Variants in LAMA2 observed in about 807,000 individuals in gnomAD.
The protein encoded by LAMA2 is laminin subunit alpha-2.
In LAMA2, 269 loss-of-function variants were observed where a neutral mutation model predicts 364.8. The ratio of observed to expected loss-of-function variants is 0.74; its 90% CI spans 0.67 to 0.82. The LOEUF is 0.82. Among genes scored for constraint, LAMA2 ranks in the 40% least tolerant of loss-of-function variants. The pLI is 0.00. For synonymous variants in LAMA2, 1,379 were observed against 1,370.6 expected (o/e 1.01, Z -0.14); for missense variants, 3,807 against 3,873.2 (o/e 0.98, Z 0.45).
At chr6:129,407,970 G>A (rs1226414639) in intron 40 of LAMA2, among the ~76,000 whole-genome samples, 1 of 152,168 alleles carries the variant, frequency 6.6e-6, no homozygotes, top group Non-Finnish European at 1.5e-5. Flanking sequence ...TGTTGACTTG[G>A]AGGTAGGAGG....
intron 1 of LAMA2, among the ~76,000 whole-genome samples, chr6:129,044,518 A>G (rs1194043811): frequency 6.6e-6 from 1 of 151,650 alleles, no homozygotes; most frequent in African/African-American, 2.4e-5. Flanking sequence ...AAATTTTCAC[A>G]TGATATACAC....
intron 2 of LAMA2, among the ~76,000 whole-genome samples, chr6:129,053,965 T>C (rs1165496421): frequency 6.6e-6 from 1 of 152,172 alleles, no homozygotes; most frequent in East Asian, 1.9e-4. Flanking sequence ...GTGGGCATGG[T>C]GTCTCTCTAG....
chr6:128,887,648 C>A (rs1001986379), intron 1 of LAMA2, among the ~76,000 whole-genome samples: 3 of 152,006 alleles, frequency 2.0e-5, no homozygotes, highest in Non-Finnish European at 4.4e-5. Context: ...GTGGGTGGAT[C>A]ACCTTAGGTC....
chr6:129,006,559 G>A (rs1382630687), intron 1 of LAMA2, among the ~76,000 whole-genome samples: 1 of 152,046 alleles, frequency 6.6e-6, no homozygotes, highest in Non-Finnish European at 1.5e-5. Flanking sequence ...ACCAACTCCT[G>A]CAGGTGCTGC....
At chr6:129,368,892 C>T (rs1218702522) in intron 33 of LAMA2, among the ~76,000 whole-genome samples, 1 of 152,176 alleles carries the variant, frequency 6.6e-6, no homozygotes, top group Non-Finnish European at 1.5e-5. Context: ...AAGCTTCAGC[C>T]AAAGACCATC....
chr6:129,119,092 TA>T (rs1267475652), intron 4 of LAMA2, among the ~76,000 whole-genome samples: 13 of 152,202 alleles, frequency 8.5e-5, no homozygotes, highest in Non-Finnish European at 1.9e-4. Context: ...TAGCAGCAAT[TA>T]ACATTTGGCA....
At chr6:129,076,617 T>C (rs991968722) in intron 3 of LAMA2, among the ~76,000 whole-genome samples, 2 of 150,616 alleles carry the variant, frequency 1.3e-5, no homozygotes, top group Non-Finnish European at 3.0e-5. Flanking sequence ...GTTCATTTTA[T>C]TTATGTAAAC....
chr6:129,210,083 C>T (rs1362744488), intron 12 of LAMA2, among the ~76,000 whole-genome samples: 2 of 150,908 alleles, frequency 1.3e-5, no homozygotes, highest in South Asian at 2.1e-4. Context: ...GGGAAATCTA[C>T]GTTTTTAATC....
chr6:129,347,156 T>A (rs1179290915), intron 30 of LAMA2, among the ~76,000 whole-genome samples: 5 of 151,888 alleles, frequency 3.3e-5, no homozygotes, highest in Admixed American at 6.6e-5. Flanking sequence ...AATCCAGTGG[T>A]GTTATTGATG....
At position 128,934,550 on chromosome 6, in the gene LAMA2, G is replaced by A. The variant is rs186679697; in HGVS notation, c.112+51193G>A. Among the ~76,000 whole-genome samples the A allele has an allele frequency of 6.5e-4, 98 of 150,730 alleles. 2 individuals are homozygous for A. The highest frequency in any genetic ancestry group is 2.1e-3 in the Admixed American group (31 of 15,106). On this transcript the variant is annotated intron_variant, in intron 1 of 64. Transcript: ENST00000421865. ...GAATTTCCCTCTTTTCGCTCAAGGT[G>A]GAGTGCAATGGTGCAATCTCAGCTC...
chr6:128,956,435 A>C (rs1377066271), intron 1 of LAMA2, among the ~76,000 whole-genome samples: 1 of 151,964 alleles, frequency 6.6e-6, no homozygotes, highest in Non-Finnish European at 1.5e-5. Context: ...TTGGTAGTAA[A>C]TTTTTGATAC....
chr6:129,377,650 A>G (rs1171670778), intron 34 of LAMA2, among the ~76,000 whole-genome samples: 1 of 152,202 alleles, frequency 6.6e-6, no homozygotes, highest in Admixed American at 6.5e-5. Flanking sequence ...TTGATCTGAA[A>G]TCTAATTTTA....
chr6:128,960,304 T>C (rs1448606344), intron 1 of LAMA2, among the ~76,000 whole-genome samples: 2 of 151,972 alleles, frequency 1.3e-5, no homozygotes, highest in Non-Finnish European at 1.5e-5. Context: ...CCTAGCTTTT[T>C]GTCTTTGGTT....
intron 17 of LAMA2, among the ~76,000 whole-genome samples, chr6:129,275,882 T>C (rs1788288921): frequency 6.6e-6 from 1 of 152,074 alleles, no homozygotes; most frequent in Admixed American, 6.6e-5. Context: ...TAGAGAAATA[T>C]ATCGTTCAAA....
intron 4 of LAMA2, among the ~76,000 whole-genome samples, chr6:129,106,252 CTT>C (rs1437573531): frequency 6.6e-6 from 1 of 151,274 alleles, no homozygotes; most frequent in African/African-American, 2.4e-5. Context: ...TTTTCTTCCT[CTT>C]TTCATCATCT....
In LAMA2 at chr6:129,353,232, C is replaced by G. The variant is rs760292213; in HGVS notation, c.4592C>G (p.Pro1531Arg). ...GGSCQECECD[P>R]YGSLPVPCDP... ...TCCTGCCAAGAATGTGAGTGTGATC[C>G]CTATGGCTCACTGCCTGTGCCCTGT... The change falls in exon 32 of 65, where the codon CCC (proline) becomes CGC (arginine). Residue 1531 changes from proline to arginine, a missense_variant. By Grantham distance (103) the Pro-to-Arg change is moderately radical. This residue lies in a region of LAMA2 where 3,333 missense variants were observed against 3,345.7 expected (regional missense o/e 1.00). Coordinates refer to ENST00000421865, the MANE Select transcript of LAMA2 (RefSeq NM_000426.4). The G allele has an allele frequency of 1.1e-5, 17 of 1,613,928 alleles. No individual in the cohort carries two copies. The Admixed American group carries it at 2.5e-4, about 24-fold the overall frequency.
chr6:128,960,393 C>A (rs1404884104), intron 1 of LAMA2, among the ~76,000 whole-genome samples: 1 of 143,666 alleles, frequency 7.0e-6, no homozygotes, highest in Non-Finnish European at 1.5e-5. Flanking sequence ...GGCTGGAGTG[C>A]AATGGCATGA....
chr6:129,454,387 C>T lies in LAMA2; in HGVS notation c.6707+99C>T, dbSNP rs1033075873. ...TCCTATTTCCATTTCAATAAGGTAACTGTGTATGCATGTAAACACATGTGT... is the reference window on the plus strand; with the variant it reads ...TCCTATTTCCATTTCAATAAGGTAATTGTGTATGCATGTAAACACATGTGT... On this transcript the variant is annotated intron_variant, in intron 47 of 64. Transcript: ENST00000421865. The T allele has an allele frequency of 4.5e-5, 42 of 932,904 alleles. No homozygotes were observed. In the African/African-American group the frequency reaches 6.6e-4, roughly 15 times the overall value. The allele number at this position is 932,904 out of a possible 1,614,324, so 57.8% of individuals were successfully genotyped here. A position where few individuals can be genotyped will look rare whatever the true frequency, so the allele number is the denominator to read the frequency against.
At chr6:129,230,748 G>A (rs912978282) in intron 12 of LAMA2, among the ~76,000 whole-genome samples, 2 of 152,068 alleles carry the variant, frequency 1.3e-5, no homozygotes, top group African/African-American at 4.8e-5. Flanking sequence ...GCAGTTGCAG[G>A]TACAGAGAAG....
Sources: allele counts gnomAD v4.1 joint callset (sites outside exome capture counted in the v4.1 genomes callset), GRCh38; gene constraint gnomAD v4.1.1; regional missense constraint gnomAD v4.1.1; transcripts MANE v1.5; gene names NCBI Gene and HGNC (gene_info 2026-07-23, HGNC 2026-07-21).